The following AQR variants were observed in gnomAD, a reference collection of about 807,000 sequenced individuals.
AQR encodes the protein RNA helicase aquarius.
In AQR, 61 loss-of-function variants were observed where a neutral mutation model predicts 180.5. The ratio of observed to expected loss-of-function variants is 0.34; its 90% CI spans 0.28 to 0.42. AQR has a LOEUF of 0.42. Ranked by LOEUF, AQR falls within the 10% of genes least tolerant of loss-of-function variation. AQR has a pLI of 1.00. For missense variants in AQR, 1,281 were observed against 1,798.3 expected, an observed-to-expected ratio of 0.71 and a Z score of 5.20; for synonymous variants, 551 against 588.8, an observed-to-expected ratio of 0.94 and a Z score of 0.93.
Position 34,888,696 on chromosome 15 carries a change from C to CA in AQR, c.2681+1518dup, listed in dbSNP as rs1166818595. On this transcript the variant is annotated intron_variant, in intron 24 of 34. Coordinates refer to ENST00000156471, the MANE Select transcript of AQR (RefSeq NM_014691.3). Reference sequence around the variant, plus strand: ...TGGGCAACAAAGTGAAACTCTGTCTCAAAAAAACAAAAAAAGCAACATAAA... The same window carrying CA: ...TGGGCAACAAAGTGAAACTCTGTCTCAAAAAAAACAAAAAAAGCAACATAAA... Among the ~76,000 whole-genome samples the CA allele has an allele frequency of 1.5e-4, 23 of 151,464 alleles. 1 individual carries two copies. Among genetic ancestry groups the CA allele is most frequent in the African/African-American group, 4.1e-4 (17 of 41,254 alleles).
At chr15:34,902,341 C>T (rs1893343983) in intron 19 of AQR, among the ~76,000 whole-genome samples, 1 of 152,046 alleles carries the variant, frequency 6.6e-6, no homozygotes, top group Non-Finnish European at 1.5e-5. Flanking sequence ...ACAGGTTGTA[C>T]AAACTGGAAA....
chr15:34,955,975 T>C (rs528711142), intron 3 of AQR, among the ~76,000 whole-genome samples: 1 of 152,122 alleles, frequency 6.6e-6, no homozygotes, highest in South Asian at 2.1e-4. Flanking sequence ...TTTATTTATT[T>C]AAAGTTGAAA....
rs779704946 is a variant in AQR at position 34,851,868 on chromosome 15, A to C, written c.*4924T>G. 6.6e-6 allele frequency: 1 copy of C among 152,230 alleles called. No homozygotes were observed. Among genetic ancestry groups the C allele is most frequent in the Non-Finnish European group, 1.5e-5 (1 of 68,042 alleles). The allele number at this position is 152,230 out of a possible 1,614,324, so 9.4% of individuals were successfully genotyped here. Reference sequence around the variant, plus strand: ...TCTGGAGTCTAAAATTAAAATGTAAACAGAGAATGCTCAGTGACCTTTTCT... The same window carrying C: ...TCTGGAGTCTAAAATTAAAATGTAACCAGAGAATGCTCAGTGACCTTTTCT... On this transcript the variant is annotated 3_prime_UTR_variant, in exon 35 of 35. Transcript: ENST00000156471.
rs1041924153 is a variant in AQR at position 34,944,166 on chromosome 15, C to T, written c.471+122G>A. 3.3e-6 allele frequency: 3 copies of T among 908,270 alleles called. No homozygotes were observed. In the African/African-American group the frequency reaches 5.2e-5, roughly 16 times the overall value. 56.3% of individuals were successfully genotyped at this position (908,270 alleles called of 1,614,324 possible). On this transcript the variant is annotated intron_variant, in intron 6 of 34. Transcript: ENST00000156471. ...TAAGTGGCTGAAATCAAGCTTTTAG[C>T]ATTATCCTTATTGCCTGCTATTATG...
In AQR at chr15:34,901,189, T is replaced by TA. The variant is rs540989606; in HGVS notation, c.2002-327dup. Among the ~76,000 whole-genome samples, 598 of 151,880 alleles carry TA rather than the reference T, an allele frequency of 3.9e-3. 3 individuals are homozygous for TA. Among genetic ancestry groups the TA allele is most frequent in the Non-Finnish European group, 6.3e-3 (429 of 67,896 alleles). The stretch of plus-strand genomic sequence containing the variant: ...AACCAGACTCAGGTGGACACAGCAG[T>TA]AAAAAAAACAATATAGAACAAACCC... On this transcript the variant is annotated intron_variant, in intron 19 of 34. Coordinates refer to ENST00000156471, the MANE Select transcript of AQR (RefSeq NM_014691.3).
At chr15:34,934,511 A>G (rs370663512) in intron 10 of AQR, 60 bp downstream of exon 10, 14 of 1,231,018 alleles carry the variant, frequency 1.1e-5, no homozygotes, top group African/African-American at 1.6e-5. Flanking sequence ...ATATGGTCAT[A>G]TGCTTAATCT....
intron 34 of AQR, among the ~76,000 whole-genome samples, chr15:34,858,714 G>A (rs1566977453): frequency 6.6e-6 from 1 of 152,142 alleles, no homozygotes; most frequent in Non-Finnish European, 1.5e-5. Flanking sequence ...CTATAATCAA[G>A]GTAGTACAGT....
In AQR at chr15:34,958,660, T is replaced by TA. The variant is rs367907549; in HGVS notation, c.173+2113dup. ...AGAAGAAATATTAATAGCAAGGGTTTAAATGAAAAAATAAACAATCACTTT... is the reference window on the plus strand; with the variant it reads ...AGAAGAAATATTAATAGCAAGGGTTTAAAATGAAAAAATAAACAATCACTTT... On this transcript the variant is annotated intron_variant, in intron 3 of 34. Coordinates refer to ENST00000156471, the MANE Select transcript of AQR (RefSeq NM_014691.3). Among the ~76,000 whole-genome samples, 517 of 152,306 alleles carry TA rather than the reference T, an allele frequency of 3.4e-3. 4 individuals carry two copies. The highest frequency in any genetic ancestry group is 0.012 in the African/African-American group (492 of 41,564).
intron 19 of AQR, 88 bp from the exon 20 acceptor site, chr15:34,900,951 C>G: frequency 6.8e-7 from 1 of 1,470,930 alleles, no homozygotes. Flanking sequence ...CTGCACTAAT[C>G]CAGAATTCCC....
chr15:34,966,264 A>G (rs1038572540), intron 1 of AQR, among the ~76,000 whole-genome samples: 1 of 152,232 alleles, frequency 6.6e-6, no homozygotes, highest in Non-Finnish European at 1.5e-5. Flanking sequence ...CATTCATTCA[A>G]TAAATAATTT....
intron 16 of AQR, among the ~76,000 whole-genome samples, chr15:34,913,075 T>C (rs1212605290): frequency 6.6e-6 from 1 of 152,204 alleles, no homozygotes. Context: ...TTATCCACTA[T>C]AAATATACAA....
intron 23 of AQR, among the ~76,000 whole-genome samples, chr15:34,890,656 CCT>C (rs1281641786): frequency 6.6e-6 from 1 of 152,120 alleles, no homozygotes; most frequent in Admixed American, 6.6e-5. Context: ...AACAGCATTT[CCT>C]TGGGTTACAG....
At chr15:34,940,357 C>A (rs972625655) in intron 8 of AQR, among the ~76,000 whole-genome samples, 1 of 152,088 alleles carries the variant, frequency 6.6e-6, no homozygotes, top group African/African-American at 2.4e-5. Context: ...ATGGAGAAAC[C>A]CTGTCTCTAT....
intron 31 of AQR, chr15:34,868,775 G>A (rs933210035): frequency 6.6e-6 from 1 of 152,132 alleles, no homozygotes; most frequent in Non-Finnish European, 1.5e-5. Context: ...ATTCTTTTGT[G>A]TCCTGTTTCT....
intron 18 of AQR, among the ~76,000 whole-genome samples, chr15:34,906,228 G>T (rs754687658): frequency 6.6e-6 from 1 of 151,828 alleles, no homozygotes; most frequent in Non-Finnish European, 1.5e-5. Flanking sequence ...AAAATTAACC[G>T]GGCATGGTCG....
At chr15:34,893,634 C>G in intron 23 of AQR, 29 bp downstream of exon 23, 1 of 1,558,186 alleles carries the variant, frequency 6.4e-7, no homozygotes, top group African/African-American at 1.6e-5. Context: ...CACACACACA[C>G]ACACACACAC....
Position 34,944,300 on chromosome 15 carries a change from G to A in AQR, c.459C>T (p.Cys153=). Residue 153 remains cysteine, a synonymous_variant, in exon 6 of 35, where the codon TGC becomes TGT. Coordinates refer to ENST00000156471, the MANE Select transcript of AQR (RefSeq NM_014691.3). ...AAAGTAAAAGTACCAAACTATTGAA[G>A]CAATGATCAAGAAAAAGTAGTAAGA... ...QTVLLLFLDH[C]FNSLEVDLIR... The A allele has an allele frequency of 1.3e-6, 2 of 1,591,930 alleles. No individual in the cohort carries two copies. Among genetic ancestry groups the A allele is most frequent in the Non-Finnish European group, 1.7e-6 (2 of 1,172,858 alleles).
intron 33 of AQR, among the ~76,000 whole-genome samples, chr15:34,861,321 A>G (rs1377026970): frequency 6.6e-6 from 1 of 152,196 alleles, no homozygotes; most frequent in Non-Finnish European, 1.5e-5. Context: ...TATTATGACT[A>G]GGAACATGGA....
intron 9 of AQR, among the ~76,000 whole-genome samples, chr15:34,937,964 T>C (rs866375159): frequency 6.6e-6 from 1 of 150,902 alleles, no homozygotes; most frequent in Non-Finnish European, 1.5e-5. Flanking sequence ...ATACTTACTT[T>C]TTAAATCAGT....
Sources: allele counts gnomAD v4.1 joint callset (sites outside exome capture counted in the v4.1 genomes callset), GRCh38; gene constraint gnomAD v4.1.1; transcripts MANE v1.5; gene names NCBI Gene and HGNC (gene_info 2026-07-23, HGNC 2026-07-21).